The following TUSC3 variants were observed in gnomAD, a reference collection of about 807,000 sequenced individuals.
TUSC3 encodes the protein tumor suppressor candidate 3, also known as dolichyl-diphosphooligosaccharide--protein glycosyltransferase subunit TUSC3.
A neutral mutation model predicts 44.8 loss-of-function variants in TUSC3; 45 were observed. The observed-to-expected ratio is 1.00, with a 90% CI of 0.79 to 1.29. The LOEUF is 1.29. Ranked by LOEUF, TUSC3 falls within the 50% of genes most tolerant of loss-of-function variation. The pLI, the probability that TUSC3 is intolerant of heterozygous loss-of-function variation, is 0.00. For synonymous variants in TUSC3, 212 were observed against 152.9 expected (o/e 1.39, Z -2.85); for missense variants, 519 against 437.9 (o/e 1.19, Z -1.65).
the TUSC3 span, among the ~76,000 whole-genome samples, chr8:15,793,509 G>C: frequency 6.6e-6 from 1 of 152,052 alleles, no homozygotes; most frequent in African/African-American, 2.4e-5. Context: ...CATGTTGCTT[G>C]TGTGATGTTC....
intron 2 of TUSC3, among the ~76,000 whole-genome samples, chr8:15,646,534 T>A (rs1379640364): frequency 6.6e-6 from 1 of 152,108 alleles, no homozygotes; most frequent in Admixed American, 6.6e-5. Context: ...TTATCACTTT[T>A]TATTTTTTAA....
the TUSC3 span, chr8:15,806,814 T>A: frequency 4.5e-6 from 4 of 882,102 alleles, no homozygotes; most frequent in African/African-American, 5.0e-5. Flanking sequence ...TGTGAAGAAA[T>A]GAACTTTCCT....
At chr8:15,562,191 C>T (rs774514752) in intron 1 of TUSC3, among the ~76,000 whole-genome samples, 10 of 152,198 alleles carry the variant, frequency 6.6e-5, no homozygotes, top group South Asian at 4.2e-4. Context: ...ACAATTACTG[C>T]GTGAGGTTGA....
At chr8:15,697,077 A>G (rs1351494590) in intron 6 of TUSC3, among the ~76,000 whole-genome samples, 1 of 152,194 alleles carries the variant, frequency 6.6e-6, no homozygotes, top group Non-Finnish European at 1.5e-5. Context: ...AAAGGTGTTC[A>G]TAGTAGCCTT....
intron 9 of TUSC3, among the ~76,000 whole-genome samples, chr8:15,751,636 T>G (rs145974340): frequency 7.7e-4 from 117 of 152,008 alleles, no homozygotes; most frequent in African/African-American, 2.8e-3. Context: ...GAATGTAAAT[T>G]AATTGTCTGT....
chr8:15,669,668 T>C (rs554936175), intron 5 of TUSC3, among the ~76,000 whole-genome samples: 26 of 151,924 alleles, frequency 1.7e-4, no homozygotes, highest in Non-Finnish European at 2.9e-4. Flanking sequence ...TCAGTGTTTA[T>C]GTGGGAATAA....
the TUSC3 span, among the ~76,000 whole-genome samples, chr8:15,847,291 T>C: frequency 3.9e-5 from 6 of 152,160 alleles, no homozygotes; most frequent in Non-Finnish European, 8.8e-5. Flanking sequence ...AGAAAAATGA[T>C]CTTGGCTGCA....
chr8:15,440,923 G>A (rs2129118446), intron 1 of TUSC3, among the ~76,000 whole-genome samples: 1 of 152,300 alleles, frequency 6.6e-6, no homozygotes, highest in African/African-American at 2.4e-5. Flanking sequence ...CCATTGCCAA[G>A]TTATGTTGAT....
intron 1 of TUSC3, among the ~76,000 whole-genome samples, chr8:15,608,177 T>A (rs960035986): frequency 2.0e-5 from 3 of 152,212 alleles, no homozygotes; most frequent in Non-Finnish European, 4.4e-5. Flanking sequence ...ACCTCTTGGC[T>A]GAATTTTATC....
chr8:15,612,454 A>G (rs555078035), intron 1 of TUSC3, among the ~76,000 whole-genome samples: 26 of 152,288 alleles, frequency 1.7e-4, no homozygotes, highest in South Asian at 6.2e-4. Context: ...GCAATGTACT[A>G]TTTCTTGTAT....
rs193278478 is a variant in TUSC3 at position 15,695,262 on chromosome 8, A to G, written c.798+21426A>G. Among the ~76,000 whole-genome samples the G allele has an allele frequency of 3.3e-5, 5 of 152,286 alleles. No individual in the cohort carries two copies. In the East Asian group the frequency reaches 7.8e-4, roughly 24 times the overall value. On this transcript the variant is annotated intron_variant, in intron 6 of 10. Transcript: ENST00000503731. ...GGACCCAGTGGGAGGTAATTGAATC[A>G]TGGGGGTAGGTCTTTATCATGCTTA...
At chr8:15,469,574 G>A (rs1190432700) in intron 1 of TUSC3, among the ~76,000 whole-genome samples, 1 of 152,142 alleles carries the variant, frequency 6.6e-6, no homozygotes, top group African/African-American at 2.4e-5. Context: ...AGGTAATTTG[G>A]AGAACTGTTT....
At chr8:15,526,599 TCA>T (rs1278213074) in intron 2 of TUSC3, among the ~76,000 whole-genome samples, 1 of 152,190 alleles carries the variant, frequency 6.6e-6, no homozygotes, top group Non-Finnish European at 1.5e-5. Flanking sequence ...CTCTTGGCTC[TCA>T]TTCTCTCGTC....
intron 5 of TUSC3, among the ~76,000 whole-genome samples, chr8:15,669,038 T>C (rs544979367): frequency 2.8e-4 from 42 of 151,884 alleles, no homozygotes; most frequent in Admixed American, 5.3e-4. Context: ...TGGACTCTTA[T>C]TGGAAAACCT....
chr8:15,451,161 A>G (rs925773293), intron 1 of TUSC3, among the ~76,000 whole-genome samples: 1 of 152,198 alleles, frequency 6.6e-6, no homozygotes, highest in Non-Finnish European at 1.5e-5. Context: ...ATGATATAAT[A>G]AGATATAAGA....
chr8:15,577,932 C>G (rs1803180290), intron 1 of TUSC3, among the ~76,000 whole-genome samples: 1 of 150,652 alleles, frequency 6.6e-6, no homozygotes, highest in African/African-American at 2.4e-5. Flanking sequence ...GATACTGATT[C>G]TTCCTACCCA....
chr8:15,581,439 C>G (rs1410178725), intron 1 of TUSC3, among the ~76,000 whole-genome samples: 3 of 149,080 alleles, frequency 2.0e-5, no homozygotes, highest in Non-Finnish European at 4.4e-5. Flanking sequence ...TTTTCCCCAT[C>G]TTTGTGGTTT....
At chr8:15,624,427 C>A (rs1295939412) in intron 2 of TUSC3, among the ~76,000 whole-genome samples, 2 of 152,156 alleles carry the variant, frequency 1.3e-5, no homozygotes, top group African/African-American at 4.8e-5. Context: ...ATTTCACATT[C>A]CAGCCATCAG....
At chr8:15,503,636 C>A (rs746454822) in intron 2 of TUSC3, among the ~76,000 whole-genome samples, 2 of 151,964 alleles carry the variant, frequency 1.3e-5, no homozygotes, top group African/African-American at 4.8e-5. Context: ...CCCAGGAATT[C>A]GAGGTTGCAG....
Sources: allele counts gnomAD v4.1 joint callset (sites outside exome capture counted in the v4.1 genomes callset), GRCh38; gene constraint gnomAD v4.1.1; transcripts MANE v1.5; gene names NCBI Gene and HGNC (gene_info 2026-07-23, HGNC 2026-07-21).